PLPP4: variants seen among roughly 807,000 people sequenced by gnomAD.
PLPP4 encodes diacylglycerol pyrophosphate like 2.
Under a neutral mutation model 32.2 loss-of-function variants are expected in PLPP4, and 20 were observed. The ratio of observed to expected loss-of-function variants is 0.62; its 90% CI spans 0.44 to 0.90. The LOEUF (loss-of-function observed/expected upper bound fraction) is 0.90, where lower values mean the gene tolerates loss of function less well. Among genes scored for constraint, PLPP4 ranks in the 40% least tolerant of loss-of-function variants. The pLI is 0.00. For synonymous variants in PLPP4, 127 were observed against 133.0 expected (o/e 0.95, Z 0.31); for missense variants, 257 against 353.1 (o/e 0.73, Z 2.18).
chr10:120,474,027 A>C (rs1008196214), intron 1 of PLPP4, among the ~76,000 whole-genome samples: 1 of 151,790 alleles, frequency 6.6e-6, no homozygotes, highest in Admixed American at 6.6e-5. Context: ...TTTTATTTCT[A>C]TCTGGTTTAT....
At chr10:120,463,234 G>A (rs185390756) in intron 1 of PLPP4, among the ~76,000 whole-genome samples, 13 of 152,112 alleles carry the variant, frequency 8.5e-5, no homozygotes, top group African/African-American at 3.1e-4. Flanking sequence ...CACCATGTTA[G>A]CCAGGATGGT....
At chr10:120,575,779 G>C (rs902173933) in intron 6 of PLPP4, among the ~76,000 whole-genome samples, 1 of 152,212 alleles carries the variant, frequency 6.6e-6, no homozygotes, top group African/African-American at 2.4e-5. Flanking sequence ...CTGCAAGCCT[G>C]GGGTGAGGTT....
intron 3 of PLPP4, among the ~76,000 whole-genome samples, chr10:120,515,541 C>G (rs1845901064): frequency 6.6e-6 from 1 of 152,208 alleles, no homozygotes; most frequent in African/African-American, 2.4e-5. Context: ...GACACAAAAG[C>G]CATGAGTCCC....
chr10:120,563,427 G>C (rs986482457), intron 5 of PLPP4, among the ~76,000 whole-genome samples: 1 of 152,068 alleles, frequency 6.6e-6, no homozygotes, highest in Non-Finnish European at 1.5e-5. Flanking sequence ...ATTTTTTGGA[G>C]GGATGCCTGG....
intron 1 of PLPP4, among the ~76,000 whole-genome samples, chr10:120,488,742 T>G (rs1844574744): frequency 6.6e-6 from 1 of 152,190 alleles, no homozygotes; most frequent in Non-Finnish European, 1.5e-5. Context: ...GCTGTTGTCT[T>G]CAGCCCACCC....
At chr10:120,546,265 C>G (rs532902995) in intron 5 of PLPP4, among the ~76,000 whole-genome samples, 3 of 152,202 alleles carry the variant, frequency 2.0e-5, no homozygotes, top group Non-Finnish European at 2.9e-5. Flanking sequence ...TCTAGAGAAC[C>G]CTGACTCACA....
At chr10:120,504,018 T>TG in intron 2 of PLPP4, 92 bp downstream of exon 2, 1 of 848,080 alleles carries the variant, frequency 1.2e-6, no homozygotes, top group East Asian at 2.5e-5. Context: ...CTGAAGACAG[T>TG]GGGTGGCCTG....
chr10:120,464,753 C>T (rs1297562538), intron 1 of PLPP4, among the ~76,000 whole-genome samples: 1 of 152,118 alleles, frequency 6.6e-6, no homozygotes, highest in Non-Finnish European at 1.5e-5. Flanking sequence ...ATGCTATGTC[C>T]CCGTTGTGAA....
Position 120,534,848 on chromosome 10 carries a change from A to T in PLPP4, c.445+13753A>T, listed in dbSNP as rs113509278. Among the ~76,000 whole-genome samples the T allele has an allele frequency of 5.1e-4, 78 of 152,258 alleles. 1 individual carries two copies. The South Asian group carries it at 6.8e-3, about 13-fold the overall frequency. On this transcript the variant is annotated intron_variant, in intron 5 of 6. Transcript: ENST00000398250. The stretch of plus-strand genomic sequence containing the variant: ...CTTAATTTGATGAGACATTGTCATC[A>T]TCCCTTCCATCCCTTCCTGAGGCGT...
chr10:120,560,102 T>C (rs1848352823), intron 5 of PLPP4, among the ~76,000 whole-genome samples: 1 of 152,150 alleles, frequency 6.6e-6, no homozygotes. Context: ...TTTCTCACAG[T>C]TGTCGCATAT....
chr10:120,501,315 T>C (rs1845238719), intron 1 of PLPP4, among the ~76,000 whole-genome samples: 1 of 152,272 alleles, frequency 6.6e-6, no homozygotes, highest in South Asian at 2.1e-4. Context: ...TCATTTCATG[T>C]CTTAAAAACA....
chr10:120,568,183 C>G (rs889227506), intron 5 of PLPP4, among the ~76,000 whole-genome samples: 1 of 152,210 alleles, frequency 6.6e-6, no homozygotes, highest in Admixed American at 6.5e-5. Context: ...GTGGCCAGCA[C>G]CCATCACAGA....
At chr10:120,571,908 G>T (rs575135069) in intron 5 of PLPP4, among the ~76,000 whole-genome samples, 5 of 152,298 alleles carry the variant, frequency 3.3e-5, no homozygotes, top group African/African-American at 1.2e-4. Flanking sequence ...ATAAATATCA[G>T]TAAGAAAGTG....
At chr10:120,504,508 A>T (rs1420151082) in intron 2 of PLPP4, among the ~76,000 whole-genome samples, 2 of 152,252 alleles carry the variant, frequency 1.3e-5, no homozygotes, top group Non-Finnish European at 2.9e-5. Flanking sequence ...GCCTGTCTAG[A>T]CATGCCTGAG....
At chr10:120,533,990 A>T in intron 5 of PLPP4, among the ~76,000 whole-genome samples, 1 of 152,190 alleles carries the variant, frequency 6.6e-6, no homozygotes, top group Non-Finnish European at 1.5e-5. Flanking sequence ...TTTTTAAATC[A>T]GTTAAGAAAG....
rs1849965122 is a variant in PLPP4 at position 120,590,633 on chromosome 10, C to T, written c.*1131C>T. 6.6e-6 allele frequency among the ~76,000 whole-genome samples: 1 copy of T among 152,136 alleles called. No homozygotes were observed. The highest frequency in any genetic ancestry group is 6.5e-5 in the Admixed American group (1 of 15,276). Reference sequence around the variant, plus strand: ...TTCAGTCTGAGTATAGAGCACGCTGCTCCTTGGCCAGCTAGTTTTTTCAAG... The same window carrying T: ...TTCAGTCTGAGTATAGAGCACGCTGTTCCTTGGCCAGCTAGTTTTTTCAAG... On this transcript the variant is annotated 3_prime_UTR_variant, in exon 7 of 7. Transcript: ENST00000398250.
At chr10:120,466,796 G>T (rs1361339464) in intron 1 of PLPP4, among the ~76,000 whole-genome samples, 1 of 152,076 alleles carries the variant, frequency 6.6e-6, no homozygotes, top group Non-Finnish European at 1.5e-5. Context: ...GTAAAGATGA[G>T]GTGATGTAAG....
intron 5 of PLPP4, among the ~76,000 whole-genome samples, chr10:120,538,929 A>C (rs565839142): frequency 2.0e-5 from 3 of 152,160 alleles, no homozygotes; most frequent in Non-Finnish European, 4.4e-5. Flanking sequence ...TTATACCCAG[A>C]TCATCTGACA....
At chr10:120,586,736 C>A (rs1056020291) in intron 6 of PLPP4, among the ~76,000 whole-genome samples, 1 of 152,068 alleles carries the variant, frequency 6.6e-6, no homozygotes, top group Non-Finnish European at 1.5e-5. Context: ...AACAGCCAAC[C>A]CTAATAGAGT....
Sources: gnomAD v4.1 joint callset for allele counts (sites outside exome capture counted in the v4.1 genomes callset) on GRCh38, gnomAD v4.1.1 for gene constraint, MANE v1.5 for transcripts, NCBI Gene and HGNC (gene_info 2026-07-23, HGNC 2026-07-21) for gene names.